Variants in PDE1A observed in about 807,000 individuals in gnomAD.
PDE1A encodes phosphodiesterase 1A, also known as dual specificity calcium/calmodulin-dependent 3',5'-cyclic nucleotide phosphodiesterase 1A.
In PDE1A, 35 loss-of-function variants were observed where a neutral mutation model predicts 61.7. The observed-to-expected ratio is 0.57, with a 90% CI of 0.43 to 0.75. PDE1A has a LOEUF of 0.75. Ranked by LOEUF, PDE1A falls within the 30% of genes least tolerant of loss-of-function variation. The pLI is 0.00. For synonymous variants in PDE1A, 232 were observed against 213.2 expected (o/e 1.09, Z -0.77); for missense variants, 597 against 630.6 (o/e 0.95, Z 0.57).
At chr2:182,295,055 A>ATTTTTTTTTTTTTTT (rs1559306033) in intron 1 of PDE1A, among the ~76,000 whole-genome samples, 1 of 76,776 alleles carries the variant, frequency 1.3e-5, no homozygotes, top group Non-Finnish European at 2.8e-5. Context: ...ATAAAAGGTA[A>ATTTTTTTTTTTTTTT]TCTTTTTTTT....
intron 10 of PDE1A, among the ~76,000 whole-genome samples, chr2:182,195,036 G>T (rs1424842191): frequency 6.6e-6 from 1 of 151,948 alleles, no homozygotes; most frequent in Non-Finnish European, 1.5e-5. Flanking sequence ...CCAATAGAAG[G>T]AATTGCAAGT....
At chr2:182,527,321 AAAAAAAATATATATATATATATATAT>A (rs1690788890), upstream of PDE1A, among the ~76,000 whole-genome samples, 1 of 45,078 alleles carries the variant, frequency 2.2e-5, no homozygotes, top group African/African-American at 9.6e-5. Flanking sequence ...AAAAAAAAAA[AAAAAAAATATATATATATATATATAT>A]ATATATATAT....
intron 7 of PDE1A, among the ~76,000 whole-genome samples, chr2:182,222,255 T>G (rs1688791390): frequency 6.6e-6 from 1 of 152,038 alleles, no homozygotes; most frequent in Non-Finnish European, 1.5e-5. Context: ...TGGAGGAACA[T>G]TAAACACATT....
intron 2 of PDE1A, among the ~76,000 whole-genome samples, chr2:182,460,504 T>C (rs1430161): frequency 0.46 from 69,309 of 151,902 alleles, 16,248 homozygotes; most frequent in East Asian, 0.72. Flanking sequence ...CTCCCAAGTA[T>C]CTGAGACTAA....
At chr2:182,184,879 G>C (rs915823527) in intron 13 of PDE1A, among the ~76,000 whole-genome samples, 3 of 152,016 alleles carry the variant, frequency 2.0e-5, no homozygotes, top group Admixed American at 1.3e-4. Flanking sequence ...GGAGTGTCTT[G>C]AGTATTCTTA....
the PDE1A span, among the ~76,000 whole-genome samples, chr2:182,606,474 A>G: frequency 4.6e-5 from 7 of 152,166 alleles, no homozygotes; most frequent in African/African-American, 9.7e-5. Context: ...CACCGTGCCC[A>G]GCCTCCTCAA....
the PDE1A span, among the ~76,000 whole-genome samples, chr2:182,541,355 TAA>T: frequency 6.6e-6 from 1 of 152,196 alleles, no homozygotes; most frequent in Non-Finnish European, 1.5e-5. Flanking sequence ...CATCTATAAA[TAA>T]AAAGCCAACA....
chr2:182,161,242 C>G (rs1427903026), intron 13 of PDE1A, among the ~76,000 whole-genome samples: 3 of 152,072 alleles, frequency 2.0e-5, no homozygotes, highest in Admixed American at 6.6e-5. Context: ...GGGACTTAAA[C>G]TGCTGAAAAT....
chr2:182,237,041 C>T (rs1288839644), intron 3 of PDE1A, among the ~76,000 whole-genome samples: 2 of 152,160 alleles, frequency 1.3e-5, no homozygotes, highest in Admixed American at 6.5e-5. Context: ...CCAGTTGTCT[C>T]ACACTTTAGT....
At chr2:182,492,470 G>T (rs1226040813) in intron 2 of PDE1A, among the ~76,000 whole-genome samples, 2 of 152,102 alleles carry the variant, frequency 1.3e-5, no homozygotes, top group African/African-American at 4.8e-5. Context: ...TATACTTTTG[G>T]CTTTCAAATC....
chr2:182,168,226 C>G lies in PDE1A; in HGVS notation c.*21G>C, dbSNP rs750809323. The G allele has an allele frequency of 3.2e-6, 5 of 1,573,872 alleles. No individual in the cohort carries two copies. In the Admixed American group the frequency reaches 6.1e-5, roughly 19 times the overall value. On this transcript the variant is annotated 3_prime_UTR_variant, in exon 14 of 14. Coordinates refer to ENST00000351439, the Ensembl canonical transcript of PDE1A. ...GTCAAATTAGAGCTGCCACCATGCA[C>G]GAGGTTTTACTTAAAGGTGTTTACT... is the stretch of plus-strand genomic sequence containing the variant.
chr2:182,299,122 C>T (rs539383017), intron 1 of PDE1A, among the ~76,000 whole-genome samples: 1 of 151,914 alleles, frequency 6.6e-6, no homozygotes, highest in Admixed American at 6.6e-5. Flanking sequence ...GGTCTCTGTA[C>T]ACTGGGGAAA....
chr2:182,650,675 G>A, the PDE1A span, among the ~76,000 whole-genome samples: 1 of 152,308 alleles, frequency 6.6e-6, no homozygotes, highest in South Asian at 2.1e-4. Context: ...ATAAAGTAAT[G>A]TAGGGATAAC....
At chr2:182,669,977 G>A in the PDE1A span, among the ~76,000 whole-genome samples, 505 of 152,296 alleles carry the variant, frequency 3.3e-3, 3 homozygotes, top group African/African-American at 0.012. Context: ...AAGGTTGCCA[G>A]GTGCAGGTCA....
intron 1 of PDE1A, among the ~76,000 whole-genome samples, chr2:182,370,830 T>C (rs527259633): frequency 6.6e-6 from 1 of 152,212 alleles, no homozygotes; most frequent in Admixed American, 6.5e-5. Context: ...TGCAGGAGAT[T>C]AGGAGTTCGT....
At chr2:182,644,459 T>C in the PDE1A span, among the ~76,000 whole-genome samples, 1 of 152,044 alleles carries the variant, frequency 6.6e-6, no homozygotes, top group Non-Finnish European at 1.5e-5. Flanking sequence ...GCTCTTCTAA[T>C]ACAGTAAAAG....
chr2:182,210,577 A>T (rs1163988801), intron 7 of PDE1A, among the ~76,000 whole-genome samples: 1 of 152,146 alleles, frequency 6.6e-6, no homozygotes, highest in African/African-American at 2.4e-5. Flanking sequence ...GTTCTTTGCA[A>T]ATATTTTCTT....
intron 2 of PDE1A, among the ~76,000 whole-genome samples, chr2:182,456,358 A>C (rs62189024): frequency 0.17 from 25,546 of 152,062 alleles, 2,533 homozygotes; most frequent in Middle Eastern, 0.35. Flanking sequence ...TTTCAAAGTC[A>C]CTGTATTGAC....
chr2:182,186,357 T>C, intron 12 of PDE1A, 111 bp downstream of exon 12: 1 of 1,305,182 alleles, frequency 7.7e-7, no homozygotes, highest in East Asian at 2.4e-5. Context: ...CAATACTCCC[T>C]AATAATTCTT....
Sources: gnomAD v4.1 joint callset for allele counts (sites outside exome capture counted in the v4.1 genomes callset) on GRCh38, gnomAD v4.1.1 for gene constraint, MANE v1.5 for transcripts, NCBI Gene and HGNC (gene_info 2026-07-23, HGNC 2026-07-21) for gene names.